The following NLK variants were observed in gnomAD, a reference collection of about 807,000 sequenced individuals.
NLK encodes serine/threonine-protein kinase NLK.
Under a neutral mutation model 59.0 loss-of-function variants are expected in NLK, and 11 were observed. The observed-to-expected ratio is 0.19, with a 90% CI of 0.12 to 0.31. The LOEUF (loss-of-function observed/expected upper bound fraction) is 0.31. Ranked by LOEUF, NLK falls within the 10% of genes least tolerant of loss-of-function variation. NLK has a pLI of 1.00. For missense variants in NLK, 410 were observed against 661.1 expected (o/e 0.62, Z 4.16); for synonymous variants, 235 against 235.9 (o/e 1.00, Z 0.03).
At chr17:28,183,056 G>C (rs1003325606) in intron 7 of NLK, among the ~76,000 whole-genome samples, 1 of 152,186 alleles carries the variant, frequency 6.6e-6, no homozygotes, top group African/African-American at 2.4e-5. Flanking sequence ...AACAGAGGAT[G>C]TAAAAAGGAT....
intron 3 of NLK, among the ~76,000 whole-genome samples, chr17:28,158,845 A>C (rs2142045669): frequency 6.6e-6 from 1 of 152,268 alleles, no homozygotes; most frequent in South Asian, 2.1e-4. Flanking sequence ...ACTTTTTAAA[A>C]TAAGACACAA....
rs901093708 is a variant in NLK at position 28,059,449 on chromosome 17, T to C, written c.458+16118T>C. On this transcript the variant is annotated intron_variant, in intron 1 of 10. Transcript: ENST00000407008. ...TAAAGTTAAGAATGCTATTGAACTG[T>C]TTAGGGAAATACCCTTTTCTTTGCA... 3.9e-5 allele frequency among the ~76,000 whole-genome samples: 6 copies of C among 152,228 alleles called. No individual in the cohort carries two copies. In the South Asian group the frequency reaches 1.2e-3, roughly 32 times the overall value.
At chr17:28,167,715 G>A (rs1908297542) in intron 5 of NLK, among the ~76,000 whole-genome samples, 1 of 149,804 alleles carries the variant, frequency 6.7e-6, no homozygotes, top group Non-Finnish European at 1.5e-5. Context: ...ACAAAAATTA[G>A]CCAGGTGTGG....
At chr17:28,159,928 G>A (rs928917881) in intron 3 of NLK, among the ~76,000 whole-genome samples, 3 of 152,290 alleles carry the variant, frequency 2.0e-5, no homozygotes. Context: ...GGGGAGTAAA[G>A]GATAACTCCT....
chr17:28,147,772 C>G (rs953767254), intron 3 of NLK, among the ~76,000 whole-genome samples: 8 of 152,154 alleles, frequency 5.3e-5, no homozygotes, highest in African/African-American at 1.9e-4. Flanking sequence ...TCCATGATAA[C>G]GTTTTCTTCC....
chr17:28,179,568 T>TA (rs1191359183), intron 7 of NLK, among the ~76,000 whole-genome samples: 1 of 151,358 alleles, frequency 6.6e-6, no homozygotes, highest in Non-Finnish European at 1.5e-5. Flanking sequence ...CTGTCTCTAC[T>TA]AAAAATACAA....
rs372562373 is a variant in NLK at position 28,124,206 on chromosome 17, A to G, written c.588+1474A>G. 4.6e-5 allele frequency among the ~76,000 whole-genome samples: 7 copies of G among 152,234 alleles called. 1 individual carries two copies. The highest frequency in any genetic ancestry group is 7.2e-5 in the African/African-American group (3 of 41,552). On this transcript the variant is annotated intron_variant, in intron 2 of 10. Transcript: ENST00000407008. ...TTTAGTCAATTGGAACTGCCTAGCA[A>G]TATGCTTGTTTTAATACATTTCAAA...
chr17:28,088,053 G>T (rs1031490056), intron 1 of NLK, among the ~76,000 whole-genome samples: 1 of 152,154 alleles, frequency 6.6e-6, no homozygotes, highest in Non-Finnish European at 1.5e-5. Flanking sequence ...AATTCAGGTG[G>T]CTTTGTCTTA....
chr17:28,181,741 C>T (rs1435585596), intron 7 of NLK, among the ~76,000 whole-genome samples: 3 of 152,086 alleles, frequency 2.0e-5, no homozygotes, highest in Admixed American at 2.0e-4. Flanking sequence ...GGTGCAGTGG[C>T]TCACACCTGT....
chr17:28,112,996 G>T (rs1043050439), intron 1 of NLK, among the ~76,000 whole-genome samples: 5 of 152,104 alleles, frequency 3.3e-5, no homozygotes, highest in Non-Finnish European at 7.4e-5. Flanking sequence ...AGTTCTTTGG[G>T]CTGGTATAGA....
At position 28,064,717 on chromosome 17, in the gene NLK, G is replaced by A. The variant is rs1293776240; in HGVS notation, c.458+21386G>A. Among the ~76,000 whole-genome samples the A allele has an allele frequency of 7.2e-5, 11 of 152,170 alleles. 1 individual carries two copies. The highest frequency in any genetic ancestry group is 1.5e-5 in the Non-Finnish European group (1 of 68,038). ...CTGGCTTAAACAAATCATTTTAAAT[G>A]TGCAGTCTTTTAAGATAGTCTACCT... On this transcript the variant is annotated intron_variant, in intron 1 of 10. Transcript: ENST00000407008.
chr17:28,058,820 C>G (rs936900156), intron 1 of NLK, among the ~76,000 whole-genome samples: 10 of 152,116 alleles, frequency 6.6e-5, no homozygotes, highest in African/African-American at 2.4e-4. Flanking sequence ...GTGATGGTGA[C>G]TCTGAAAGAA....
intron 3 of NLK, among the ~76,000 whole-genome samples, chr17:28,148,859 GTTACT>G (rs978517711): frequency 6.6e-6 from 1 of 152,206 alleles, no homozygotes; most frequent in Non-Finnish European, 1.5e-5. Context: ...GGATTGAGCA[GTTACT>G]TCAGGTGTCT....
In NLK at chr17:28,077,021, C is replaced by CCCGTGT. The variant is rs113036163; in HGVS notation, c.458+33693_458+33698dup. Among the ~76,000 whole-genome samples, 392 of 150,928 alleles carry CCCGTGT rather than the reference C, an allele frequency of 2.6e-3. 4 individuals carry two copies. The highest frequency in any genetic ancestry group is 8.8e-3 in the African/African-American group (363 of 41,064). ...AAATTGATGTTTTCTTTAGTTAGTA[C>CCCGTGT]CCGTGTCCCTTTTACTTTTTCCCTT... On this transcript the variant is annotated intron_variant, in intron 1 of 10. Coordinates refer to ENST00000407008, the MANE Select transcript of NLK (RefSeq NM_016231.5).
At position 28,176,930 on chromosome 17, in the gene NLK, C is replaced by T. The variant is rs111458200; in HGVS notation, c.1149+4312C>T. ...GGGGTGCCAACTCCACCCCCCTAAC[C>T]CCCTGCCTACAGTTGAAAATCCATG... On this transcript the variant is annotated intron_variant, in intron 7 of 10. Transcript: ENST00000407008. Among the ~76,000 whole-genome samples, 1,008 of 152,260 alleles carry T rather than the reference C, an allele frequency of 6.6e-3. 17 individuals carry two copies. The highest frequency in any genetic ancestry group is 0.023 in the African/African-American group (941 of 41,540).
At chr17:28,047,054 A>G (rs1429453378) in intron 1 of NLK, among the ~76,000 whole-genome samples, 1 of 152,190 alleles carries the variant, frequency 6.6e-6, no homozygotes, top group Non-Finnish European at 1.5e-5. Context: ...TGATCTCGAT[A>G]AATTATTTGA....
intron 1 of NLK, among the ~76,000 whole-genome samples, chr17:28,101,512 T>G (rs1293050348): frequency 6.6e-6 from 1 of 152,210 alleles, no homozygotes; most frequent in Admixed American, 6.5e-5. Context: ...TAAATTTATT[T>G]GTGAGTATTT....
intron 10 of NLK, among the ~76,000 whole-genome samples, chr17:28,192,665 T>C (rs1034777708): frequency 6.7e-6 from 1 of 149,978 alleles, no homozygotes; most frequent in Non-Finnish European, 1.5e-5. Context: ...CGAAACTCCA[T>C]CTCAAAAAAA....
At chr17:28,051,534 T>C (rs1281878430) in intron 1 of NLK, among the ~76,000 whole-genome samples, 1 of 152,014 alleles carries the variant, frequency 6.6e-6, no homozygotes, top group Non-Finnish European at 1.5e-5. Context: ...AATTTTTGTA[T>C]TTTTAGTAGA....
Sources: allele counts gnomAD v4.1 joint callset (sites outside exome capture counted in the v4.1 genomes callset), GRCh38; gene constraint gnomAD v4.1.1; transcripts MANE v1.5; gene names NCBI Gene and HGNC (gene_info 2026-07-23, HGNC 2026-07-21).